Variants in C4orf50 observed in about 807,000 individuals in gnomAD.
C4orf50 encodes chromosome 4 open reading frame 50, also known as uncharacterized protein C4orf50.
C4orf50 carries 80 observed loss-of-function variants against 77.2 expected under a neutral mutation model. The observed-to-expected ratio is 1.04, with a 90% CI of 0.87 to 1.25. C4orf50 has a LOEUF of 1.25. C4orf50 is among the 50% of genes most tolerant of loss of function. C4orf50 has a pLI of 0.00. For missense variants in C4orf50, 1,257 were observed against 1,152.9 expected (o/e 1.09, Z -1.31); for synonymous variants, 532 against 465.3 (o/e 1.14, Z -1.84).
At position 6,000,905 on chromosome 4, in the gene C4orf50, C is replaced by A. The variant is rs1721801616; in HGVS notation, c.964-6429G>T. On this transcript the variant is annotated intron_variant, in intron 25 of 33. Coordinates refer to ENST00000531445, the Ensembl canonical transcript of C4orf50. The surrounding 1 kb of genome is among the most constrained non-coding windows in gnomAD (Gnocchi z 6.0). Reference sequence around the variant, plus strand: ...AACTCATCCGTTAAAACCCATATCCCCAAAGGGATGTTATTAGGAAGCGGT... The same window carrying A: ...AACTCATCCGTTAAAACCCATATCCACAAAGGGATGTTATTAGGAAGCGGT... Among the ~76,000 whole-genome samples, 1 of 152,160 alleles carries A rather than the reference C, an allele frequency of 6.6e-6. No individual in the cohort carries two copies. Among genetic ancestry groups the A allele is most frequent in the Admixed American group, 6.5e-5 (1 of 15,270 alleles).
At position 6,007,006 on chromosome 4, in the gene C4orf50, C is replaced by T. The variant is rs1489656018; in HGVS notation, c.963+990G>A. On this transcript the variant is annotated intron_variant, in intron 25 of 33. Coordinates refer to ENST00000531445, the Ensembl canonical transcript of C4orf50. The surrounding 1 kb of genome is among the most constrained non-coding windows in gnomAD (Gnocchi z 4.1). ...TGGACTTCACAAGCACATATGAGTCCCATGGCACAGCATGTTGAAGATTTT... is the reference window on the plus strand; with the variant it reads ...TGGACTTCACAAGCACATATGAGTCTCATGGCACAGCATGTTGAAGATTTT... Among the ~76,000 whole-genome samples the T allele has an allele frequency of 3.3e-5, 5 of 152,152 alleles. No homozygotes were observed. Among genetic ancestry groups the T allele is most frequent in the Non-Finnish European group, 4.4e-5 (3 of 68,048 alleles).
At chr4:5,977,153 G>A (rs1720336141) in intron 29 of C4orf50, among the ~76,000 whole-genome samples, 1 of 152,206 alleles carries the variant, frequency 6.6e-6, no homozygotes, top group Non-Finnish European at 1.5e-5. Flanking sequence ...AGCCGAGACT[G>A]GCATCCAGCC....
rs114545649 is a variant in C4orf50 at position 5,932,398 on chromosome 4, G to A, written c.*2474+24503C>T. On this transcript the variant is annotated intron_variant, in intron 7 of 7. Transcript: ENST00000324058. This position sits in a 1 kb window ranked among gnomAD's most constrained non-coding sequence, Gnocchi z 4.2. The stretch of plus-strand genomic sequence containing the variant: ...CTGGTGCCCAAGTCCTGAACCTGAG[G>A]TGACCAGGTGATCATCTACCTGGAG... 4.0e-3 allele frequency among the ~76,000 whole-genome samples: 610 copies of A among 152,236 alleles called. 6 individuals are homozygous for A. Among genetic ancestry groups the A allele is most frequent in the African/African-American group, 0.014 (578 of 41,528 alleles).
intron 7 of C4orf50, among the ~76,000 whole-genome samples, chr4:5,949,185 A>G (rs1718616291): frequency 6.6e-6 from 1 of 152,296 alleles, no homozygotes; most frequent in Non-Finnish European, 1.5e-5. Context: ...TGCGCCCGTG[A>G]AAAACTGTAG....
chr4:5,959,878 G>A (rs991839048), intron 33 of C4orf50, among the ~76,000 whole-genome samples: 11 of 152,202 alleles, frequency 7.2e-5, no homozygotes, highest in Non-Finnish European at 1.3e-4. Flanking sequence ...CCCTCTCCAC[G>A]TCATGTGGCA....
intron 25 of C4orf50, among the ~76,000 whole-genome samples, chr4:5,997,941 C>T (rs550340806): frequency 2.0e-5 from 3 of 152,210 alleles, no homozygotes; most frequent in Admixed American, 6.5e-5. Context: ...TCAATTCCCT[C>T]TTATTGGACA....
rs1716518745 is a variant in C4orf50 at position 5,905,719 on chromosome 4, T to C, written c.*2475-7531A>G. On this transcript the variant is annotated intron_variant, in intron 7 of 7. Transcript: ENST00000324058. This position sits in a 1 kb window ranked among gnomAD's most constrained non-coding sequence, Gnocchi z 5.4. Reference sequence around the variant, plus strand: ...ACATGATATGGAAATTTTATGTTACTAAGCATTCATGCACATTCTGTAGAG... The same window carrying C: ...ACATGATATGGAAATTTTATGTTACCAAGCATTCATGCACATTCTGTAGAG... 6.6e-6 allele frequency among the ~76,000 whole-genome samples: 1 copy of C among 152,270 alleles called. No homozygotes were observed. The highest frequency in any genetic ancestry group is 2.4e-5 in the African/African-American group (1 of 41,480).
intron 28 of C4orf50, among the ~76,000 whole-genome samples, chr4:5,982,756 C>A (rs1720661824): frequency 6.6e-6 from 1 of 151,948 alleles, no homozygotes; most frequent in Admixed American, 6.6e-5. Context: ...CATGAGTAGG[C>A]TCTGACTCAT....
chr4:5,984,498 CTA>C (rs1720757763), intron 28 of C4orf50, among the ~76,000 whole-genome samples: 1 of 152,134 alleles, frequency 6.6e-6, no homozygotes, highest in Admixed American at 6.5e-5. Flanking sequence ...TACAGATGGA[CTA>C]TTTCAACGGA....
chr4:5,951,608 C>T (rs776125163), intron 7 of C4orf50, among the ~76,000 whole-genome samples: 1 of 152,154 alleles, frequency 6.6e-6, no homozygotes, highest in Non-Finnish European at 1.5e-5. Context: ...TTAACAATGG[C>T]ACAGATAAAA....
exon 26 of C4orf50, chr4:5,994,440 G>A: frequency 2.5e-6 from 1 of 399,154 alleles, no homozygotes; most frequent in South Asian, 1.3e-4. Flanking sequence ...TCCCTGGGCA[G>A]GGGCAGTGAG....
intron 29 of C4orf50, among the ~76,000 whole-genome samples, chr4:5,978,781 A>G (rs181173908): frequency 6.6e-6 from 1 of 152,386 alleles, no homozygotes; most frequent in Non-Finnish European, 1.5e-5. Flanking sequence ...GTAAGTTCAT[A>G]GAAATGCTCT....
At chr4:5,909,404 A>G (rs775141774) in intron 7 of C4orf50, among the ~76,000 whole-genome samples, 4 of 152,206 alleles carry the variant, frequency 2.6e-5, no homozygotes, top group Admixed American at 6.5e-5. Flanking sequence ...TATATTCTAT[A>G]TAGTAATGTC....
intron 33 of C4orf50, among the ~76,000 whole-genome samples, chr4:5,961,214 C>G (rs548474465): frequency 1.5e-3 from 231 of 152,330 alleles, no homozygotes; most frequent in Non-Finnish European, 2.9e-3. Flanking sequence ...ACTCAAAAGG[C>G]TGAGGCGGGA....
At position 6,008,282 on chromosome 4, in the gene C4orf50, G is replaced by T; in HGVS notation, c.677C>A (p.Ala226Glu). ...GGTGGCGCCCTGGGAGCCTGGGGCC[G>T]CGGTGTCCCACTGGGCCAGCAGGAG... Residue 226 changes from alanine (A) to glutamate (E), a missense_variant, in exon 25 of 34, where the codon GCG (alanine) becomes GAG (glutamate). Ala to Glu is a moderately radical substitution (Grantham distance 107, BLOSUM62 -1). Transcript: ENST00000531445. The surrounding 1 kb of genome is among the most constrained non-coding windows in gnomAD (Gnocchi z 6.0). 1 of 391,432 alleles carries T rather than the reference G, an allele frequency of 2.6e-6. No homozygotes were observed. Among genetic ancestry groups the T allele is most frequent in the Non-Finnish European group, 4.5e-6 (1 of 221,524 alleles). The allele number at this position is 391,432 out of a possible 1,614,324, so 24.2% of individuals were successfully genotyped here.
At chr4:6,012,365 A>G (rs554659826) in intron 23 of C4orf50, among the ~76,000 whole-genome samples, 2 of 152,248 alleles carry the variant, frequency 1.3e-5, no homozygotes, top group East Asian at 3.9e-4. Context: ...ACATGAGGAA[A>G]TAGGATCAGA....
intron 7 of C4orf50, among the ~76,000 whole-genome samples, chr4:5,912,264 TG>T (rs1168709100): frequency 6.8e-6 from 1 of 146,820 alleles, no homozygotes; most frequent in Non-Finnish European, 1.5e-5. Context: ...CTCGTGTGTG[TG>T]TGTGTGTGTG....
At position 6,009,719 on chromosome 4, in the gene C4orf50, G is replaced by T. The variant is rs905530443; in HGVS notation, c.427-1187C>A. Among the ~76,000 whole-genome samples, 1 of 152,162 alleles carries T rather than the reference G, an allele frequency of 6.6e-6. No homozygotes were observed. The highest frequency in any genetic ancestry group is 2.4e-5 in the African/African-American group (1 of 41,430). On this transcript the variant is annotated intron_variant, in intron 24 of 33. Transcript: ENST00000531445. The surrounding 1 kb of genome is among the most constrained non-coding windows in gnomAD (Gnocchi z 5.6). ...CAAAACTGCCATTTGGTACATACAG[G>T]TGCAAAGGGCATGGAAAACTCGCTC...
chr4:5,933,683 C>T (rs556082055), intron 7 of C4orf50, among the ~76,000 whole-genome samples: 5 of 152,296 alleles, frequency 3.3e-5, no homozygotes, highest in East Asian at 1.9e-4. Flanking sequence ...TGACTACGGT[C>T]GTGCCTCCCT....
Sources: gnomAD v4.1 joint callset for allele counts (sites outside exome capture counted in the v4.1 genomes callset) on GRCh38, gnomAD v4.1.1 for gene constraint, Gnocchi (gnomAD v3.1) non-coding constraint, MANE v1.5 for transcripts, NCBI Gene and HGNC (gene_info 2026-07-23, HGNC 2026-07-21) for gene names.